FAM227B: variants seen among roughly 807,000 people sequenced by gnomAD.
The protein encoded by FAM227B is family with sequence similarity 227 member B.
A neutral mutation model predicts 73.8 loss-of-function variants in FAM227B; 88 were observed. The observed-to-expected ratio is 1.19, with a 90% CI of 1.00 to 1.42. The LOEUF (loss-of-function observed/expected upper bound fraction) is 1.42, where lower values mean the gene tolerates loss of function less well. Among genes scored for constraint, FAM227B ranks in the 40% most tolerant of loss-of-function variants. The pLI is 0.00. For synonymous variants in FAM227B, 210 were observed against 190.5 expected, an observed-to-expected ratio of 1.10 and a Z score of -0.84; for missense variants, 632 against 590.9, an observed-to-expected ratio of 1.07 and a Z score of -0.72.
At chr15:49,545,981 A>C (rs1232402339) in intron 9 of FAM227B, among the ~76,000 whole-genome samples, 1 of 149,232 alleles carries the variant, frequency 6.7e-6, no homozygotes, top group Non-Finnish European at 1.5e-5. Context: ...ATTATACTTT[A>C]AGTTTTAGGG....
intron 9 of FAM227B, among the ~76,000 whole-genome samples, chr15:49,551,107 C>G (rs920789998): frequency 6.6e-6 from 1 of 152,240 alleles, no homozygotes; most frequent in Admixed American, 6.5e-5. Flanking sequence ...CAGCGAAACC[C>G]CGTCTCCACC....
intron 10 of FAM227B, among the ~76,000 whole-genome samples, chr15:49,527,532 A>G (rs1180784849): frequency 1.3e-5 from 2 of 151,960 alleles, no homozygotes; most frequent in Non-Finnish European, 2.9e-5. Flanking sequence ...GCGAGAAATA[A>G]TAGAAGACAC....
At chr15:49,418,041 T>C (rs779486199) in intron 11 of FAM227B, among the ~76,000 whole-genome samples, 1 of 152,126 alleles carries the variant, frequency 6.6e-6, no homozygotes, top group Non-Finnish European at 1.5e-5. Context: ...GACATACATG[T>C]GTCTAAAAAA....
chr15:49,616,183 C>T (rs1233990801), intron 1 of FAM227B, among the ~76,000 whole-genome samples: 2 of 152,100 alleles, frequency 1.3e-5, no homozygotes, highest in Non-Finnish European at 2.9e-5. Context: ...CAAGATGTGA[C>T]TTTATTTGCA....
chr15:49,602,213 C>A (rs1385242591), intron 3 of FAM227B, among the ~76,000 whole-genome samples: 1 of 152,144 alleles, frequency 6.6e-6, no homozygotes, highest in Non-Finnish European at 1.5e-5. Flanking sequence ...TTTTGAGGAA[C>A]CTTCAAATTG....
chr15:49,538,932 T>C (rs1005703507), intron 10 of FAM227B, among the ~76,000 whole-genome samples: 35 of 152,060 alleles, frequency 2.3e-4, no homozygotes, highest in African/African-American at 8.5e-4. Flanking sequence ...CAGGAAATTG[T>C]TGAGTATCCA....
At chr15:49,390,887 T>G (rs2047171099) in intron 11 of FAM227B, among the ~76,000 whole-genome samples, 1 of 152,026 alleles carries the variant, frequency 6.6e-6, no homozygotes, top group Non-Finnish European at 1.5e-5. Context: ...ATCCCTTCCT[T>G]GAAACAGCCT....
chr15:49,501,765 C>A (rs1405270977), intron 11 of FAM227B, among the ~76,000 whole-genome samples: 1 of 152,128 alleles, frequency 6.6e-6, no homozygotes, highest in Non-Finnish European at 1.5e-5. Context: ...GGGAAAAAGG[C>A]CTTGAAGGCA....
At chr15:49,575,725 C>T (rs1269802535) in intron 7 of FAM227B, among the ~76,000 whole-genome samples, 2 of 151,938 alleles carry the variant, frequency 1.3e-5, no homozygotes, top group African/African-American at 2.4e-5. Context: ...CATTATTTCC[C>T]CCTTTTCCAC....
intron 10 of FAM227B, among the ~76,000 whole-genome samples, chr15:49,539,648 T>C (rs2152266235): frequency 6.6e-6 from 1 of 152,268 alleles, no homozygotes; most frequent in South Asian, 2.1e-4. Flanking sequence ...TGAGGTGGTG[T>C]TGCAGTGGGT....
chr15:49,563,046 A>G (rs1467565865), intron 9 of FAM227B, among the ~76,000 whole-genome samples: 2 of 152,132 alleles, frequency 1.3e-5, no homozygotes, highest in East Asian at 3.9e-4. Context: ...TAGTAAAAGA[A>G]GTCAAATTAT....
intron 11 of FAM227B, among the ~76,000 whole-genome samples, chr15:49,434,104 G>A (rs1668124519): frequency 6.6e-6 from 1 of 151,502 alleles, no homozygotes; most frequent in African/African-American, 2.4e-5. Context: ...AGTGCCAGTA[G>A]CCTGATCTTC....
Position 49,328,076 on chromosome 15 carries a change from A to T in FAM227B, c.*492T>A. ...TGTGCACAAAGCTTATTACCAGAGG[A>T]GTGATGGAAGCTTAGCACCGGAGAA... On this transcript the variant is annotated 3_prime_UTR_variant, in exon 16 of 16. Transcript: ENST00000299338. 6.2e-7 allele frequency: 1 copy of T among 1,614,104 alleles called. No individual in the cohort carries two copies.
chr15:49,335,677 C>T (rs1258173651), intron 13 of FAM227B, among the ~76,000 whole-genome samples, 181 bp from the exon 14 acceptor site: 1 of 152,186 alleles, frequency 6.6e-6, no homozygotes, highest in Non-Finnish European at 1.5e-5. Context: ...AAGAAAACAT[C>T]ACTTTAAACT....
intron 10 of FAM227B, among the ~76,000 whole-genome samples, chr15:49,509,062 G>A (rs1218248076): frequency 6.6e-6 from 1 of 152,122 alleles, no homozygotes; most frequent in Non-Finnish European, 1.5e-5. Flanking sequence ...AAGAGGCAAG[G>A]CAAGAAGGCC....
chr15:49,574,858 G>A (rs1208412074), intron 8 of FAM227B, 153 bp downstream of exon 8: 2 of 441,182 alleles, frequency 4.5e-6, no homozygotes, highest in African/African-American at 4.1e-5. Flanking sequence ...AAGAACTCTA[G>A]ACATCATATA....
chr15:49,558,584 C>G (rs112348850), intron 9 of FAM227B, among the ~76,000 whole-genome samples: 2 of 152,080 alleles, frequency 1.3e-5, no homozygotes, highest in Admixed American at 1.3e-4. Flanking sequence ...CCTTTTGGTT[C>G]CCCCCACCTA....
chr15:49,494,591 T>TC (rs1264472491), intron 11 of FAM227B, among the ~76,000 whole-genome samples: 2 of 152,148 alleles, frequency 1.3e-5, no homozygotes, highest in Non-Finnish European at 1.5e-5. Context: ...CTCTTTTTTT[T>TC]CCCTCACACA....
At chr15:49,584,920 G>A (rs543443756) in intron 5 of FAM227B, among the ~76,000 whole-genome samples, 1 of 151,832 alleles carries the variant, frequency 6.6e-6, no homozygotes, top group African/African-American at 2.4e-5. Context: ...CAGAATGGGA[G>A]AAAATTTTTG....
Sources: gnomAD v4.1 joint callset for allele counts (sites outside exome capture counted in the v4.1 genomes callset) on GRCh38, gnomAD v4.1.1 for gene constraint, MANE v1.5 for transcripts, NCBI Gene and HGNC (gene_info 2026-07-23, HGNC 2026-07-21) for gene names.